DPH6: variants seen among roughly 807,000 people sequenced by gnomAD.
The protein encoded by DPH6 is diphthine--ammonia ligase.
In DPH6, 33 loss-of-function variants were observed where a neutral mutation model predicts 38.2. The observed-to-expected ratio is 0.86, with a 90% confidence interval of 0.65 to 1.15. The LOEUF (loss-of-function observed/expected upper bound fraction) is 1.15, where lower values mean the gene tolerates loss of function less well. Among genes scored for constraint, DPH6 ranks in the 50% most tolerant of loss-of-function variants. The probability of loss-of-function intolerance (pLI) is 0.00; values close to 1 mark genes in which losing one functional copy is unlikely to be tolerated. For synonymous variants in DPH6, 108 were observed against 103.0 expected (o/e 1.05, Z -0.30); for missense variants, 325 against 320.0 (o/e 1.02, Z -0.12).
chr15:35,233,266 C>T (rs1298254635), intron 3 of DPH6, among the ~76,000 whole-genome samples: 2 of 152,028 alleles, frequency 1.3e-5, no homozygotes, highest in Admixed American at 6.6e-5. Context: ...CCAAGATCGC[C>T]CCATTGCACT....
At chr15:35,503,284 A>G (rs1401893430) in intron 3 of DPH6, among the ~76,000 whole-genome samples, 1 of 152,048 alleles carries the variant, frequency 6.6e-6, no homozygotes, top group African/African-American at 2.4e-5. Context: ...ATTACTTTAC[A>G]TTTCAATTTA....
chr15:35,246,087 C>G (rs548876367), intron 3 of DPH6, among the ~76,000 whole-genome samples: 1 of 152,290 alleles, frequency 6.6e-6, no homozygotes, highest in South Asian at 2.1e-4. Flanking sequence ...GAGAACAACC[C>G]CTTTGACTGT....
chr15:35,443,838 T>A (rs2053817940), intron 5 of DPH6, among the ~76,000 whole-genome samples: 1 of 150,612 alleles, frequency 6.6e-6, no homozygotes. Flanking sequence ...CAGCCCCACA[T>A]ACAATGTGAT....
At chr15:35,269,936 A>G (rs1160837406) in intron 3 of DPH6, among the ~76,000 whole-genome samples, 6 of 148,458 alleles carry the variant, frequency 4.0e-5, no homozygotes, top group East Asian at 2.1e-4. Flanking sequence ...GACTACAGGC[A>G]CCTGCCACCA....
At chr15:35,255,827 T>A (rs1481118) in intron 3 of DPH6, among the ~76,000 whole-genome samples, 82,434 of 151,578 alleles carry the variant, frequency 0.54, 26,189 homozygotes, top group Non-Finnish European at 0.73. Flanking sequence ...AGAAGATTAT[T>A]CATTCTATCC....
At chr15:35,209,026 C>A in the DPH6 span, among the ~76,000 whole-genome samples, 5 of 152,184 alleles carry the variant, frequency 3.3e-5, no homozygotes, top group East Asian at 9.7e-4. Context: ...TTAGAGCAGT[C>A]CTGAAATTTC....
intron 3 of DPH6, among the ~76,000 whole-genome samples, chr15:35,314,650 C>T (rs941161940): frequency 1.3e-5 from 2 of 152,170 alleles, no homozygotes; most frequent in Non-Finnish European, 1.5e-5. Flanking sequence ...CTAACAACTA[C>T]ACGAGAAGTT....
At chr15:35,372,435 A>G (rs2052725685) in intron 8 of DPH6, 1 of 313,264 alleles carries the variant, frequency 3.2e-6, no homozygotes, top group African/African-American at 2.2e-5. Flanking sequence ...AATGGCTGGA[A>G]TGCCTACACA....
intron 3 of DPH6, among the ~76,000 whole-genome samples, chr15:35,301,402 T>A (rs1004991071): frequency 4.6e-5 from 7 of 152,168 alleles, no homozygotes; most frequent in African/African-American, 9.7e-5. Flanking sequence ...GGTGGTAAAA[T>A]ACGAAGAATA....
In DPH6 at chr15:35,521,679, T is replaced by C. The variant is rs554621901; in HGVS notation, c.312+16595A>G. The C allele has an allele frequency of 3.0e-5, 37 of 1,230,940 alleles. No homozygotes were observed. In the African/African-American group the frequency reaches 5.1e-4, roughly 17 times the overall value. 76.3% of individuals were successfully genotyped at this position (1,230,940 alleles called of 1,614,324 possible). A position where few individuals can be genotyped will look rare whatever the true frequency, so the allele number is the denominator to read the frequency against. On this transcript the variant is annotated intron_variant, in intron 3 of 8. Transcript: ENST00000256538. ...TATTTAACTAGATATTTTAGTTTAC[T>C]ATTGAAGAAGAGCAGCATATTAAAA...
At chr15:35,198,270 C>T in the DPH6 span, among the ~76,000 whole-genome samples, 1 of 152,082 alleles carries the variant, frequency 6.6e-6, no homozygotes, top group Non-Finnish European at 1.5e-5. Context: ...TAAGACCATA[C>T]TTCTCCAAAC....
chr15:35,240,265 C>T (rs948594277), intron 3 of DPH6, among the ~76,000 whole-genome samples: 2 of 143,298 alleles, frequency 1.4e-5, no homozygotes, highest in African/African-American at 5.1e-5. Context: ...CTAAAATGGG[C>T]AAATGGTCTG....
chr15:35,227,864 T>C (rs1208498226), intron 3 of DPH6, among the ~76,000 whole-genome samples: 1 of 152,154 alleles, frequency 6.6e-6, no homozygotes, highest in Non-Finnish European at 1.5e-5. Context: ...AATTTTCTTC[T>C]TAATTTCCTT....
intron 3 of DPH6, among the ~76,000 whole-genome samples, chr15:35,503,306 A>AT (rs1272340797): frequency 1.3e-5 from 2 of 152,080 alleles, no homozygotes; most frequent in Non-Finnish European, 2.9e-5. Context: ...CTGAAGTTAA[A>AT]TTTTAAAAAG....
chr15:35,179,069 G>A, the DPH6 span, among the ~76,000 whole-genome samples: 1 of 151,866 alleles, frequency 6.6e-6, no homozygotes, highest in Admixed American at 6.6e-5. Flanking sequence ...AGCCAGGCAT[G>A]GTGGCACATG....
chr15:35,263,829 A>G (rs2051765093), intron 3 of DPH6, among the ~76,000 whole-genome samples: 1 of 151,884 alleles, frequency 6.6e-6, no homozygotes, highest in South Asian at 2.1e-4. Context: ...CTCCTGCCTC[A>G]GCCTCCTGAG....
chr15:35,382,094 TATC>T (rs2052875214), intron 6 of DPH6, among the ~76,000 whole-genome samples, 178 bp from the exon 7 acceptor site: 1 of 152,180 alleles, frequency 6.6e-6, no homozygotes, highest in African/African-American at 2.4e-5. Flanking sequence ...TCAAAAATGT[TATC>T]ATAAGGCATA....
chr15:35,224,291 G>C (rs1255874647), intron 3 of DPH6, among the ~76,000 whole-genome samples: 1 of 151,888 alleles, frequency 6.6e-6, no homozygotes, highest in East Asian at 1.9e-4. Flanking sequence ...ATTTTTAGTA[G>C]AGACGGGGTT....
the DPH6 span, among the ~76,000 whole-genome samples, chr15:35,176,557 C>T: frequency 2.0e-5 from 3 of 151,980 alleles, no homozygotes; most frequent in African/African-American, 7.3e-5. Flanking sequence ...CCACAACCTC[C>T]GCCTCCAGGT....
Sources: gnomAD v4.1 joint callset for allele counts (sites outside exome capture counted in the v4.1 genomes callset) on GRCh38, gnomAD v4.1.1 for gene constraint, MANE v1.5 for transcripts, NCBI Gene and HGNC (gene_info 2026-07-23, HGNC 2026-07-21) for gene names.